MFHAS1: variants seen among roughly 807,000 people sequenced by gnomAD.
The protein encoded by MFHAS1 is multifunctional ROCO family signaling regulator 1.
In MFHAS1, 50 loss-of-function variants were observed where a neutral mutation model predicts 70.4. The observed-to-expected ratio is 0.71, with a 90% CI of 0.57 to 0.90. The LOEUF (loss-of-function observed/expected upper bound fraction) is 0.90, where lower values mean the gene tolerates loss of function less well. Ranked by LOEUF, MFHAS1 falls within the 40% of genes least tolerant of loss-of-function variation. MFHAS1 has a pLI of 0.00. For missense variants in MFHAS1, 1,795 were observed against 1,347.6 expected (o/e 1.33, Z -5.20); for synonymous variants, 952 against 620.0 (o/e 1.54, Z -7.96).
At chr8:8,813,637 A>T in intron 1 of MFHAS1, among the ~76,000 whole-genome samples, 1 of 152,298 alleles carries the variant, frequency 6.6e-6, no homozygotes, top group South Asian at 2.1e-4. Context: ...TAAAGAAACA[A>T]TATTTTTGTA....
chr8:8,891,456 C>A lies in MFHAS1; in HGVS notation c.1603G>T (p.Val535Leu). Reference sequence around the variant, plus strand: ...CCGCACAGGTCTGCGTGGGTGCCCACGATGCACACCACCGCGTGGGGCACT... The same window carrying A: ...CCGCACAGGTCTGCGTGGGTGCCCAAGATGCACACCACCGCGTGGGGCACT... ...ARVPHAVVCI[V>L]GTHADLCGER... The change falls in exon 1 of 3, where the codon GTG becomes TTG. Residue 535 changes from valine to leucine, a missense_variant. Physicochemically the swap from Val to Leu is conservative, Grantham distance 32 (BLOSUM62 1). Transcript: ENST00000276282. This position sits in a 1 kb window ranked among gnomAD's most constrained non-coding sequence, Gnocchi z 5.4. 1 of 1,612,984 alleles carries A rather than the reference C, an allele frequency of 6.2e-7. No individual in the cohort carries two copies. Among genetic ancestry groups the A allele is most frequent in the South Asian group, 1.1e-5 (1 of 91,084 alleles).
chr8:8,884,246 C>T (rs976799319), intron 1 of MFHAS1, among the ~76,000 whole-genome samples: 2 of 152,110 alleles, frequency 1.3e-5, no homozygotes, highest in Non-Finnish European at 2.9e-5. Context: ...CTCTATTCTG[C>T]ACAGTATTTG....
At chr8:8,810,418 T>A (rs1264227625) in intron 1 of MFHAS1, among the ~76,000 whole-genome samples, 1 of 152,150 alleles carries the variant, frequency 6.6e-6, no homozygotes, top group East Asian at 1.9e-4. Flanking sequence ...ACAACAAAGG[T>A]TTGAACCATG....
At chr8:8,867,134 CAA>C (rs1808889203) in intron 1 of MFHAS1, among the ~76,000 whole-genome samples, 1 of 152,032 alleles carries the variant, frequency 6.6e-6, no homozygotes, top group South Asian at 2.1e-4. Flanking sequence ...TTAAAGGAAA[CAA>C]GATAATAAAG....
chr8:8,841,775 G>T (rs887997177), intron 1 of MFHAS1, among the ~76,000 whole-genome samples: 1 of 152,276 alleles, frequency 6.6e-6, no homozygotes, highest in Non-Finnish European at 1.5e-5. Context: ...CCACGGGTAC[G>T]AGAGTTTGGG....
At chr8:8,790,258 ATCTC>A in intron 2 of MFHAS1, 2 of 463,308 alleles carry the variant, frequency 4.3e-6, no homozygotes, top group Non-Finnish European at 5.7e-6. Context: ...ATCCCCCCTA[ATCTC>A]TCTGAGTCCT....
chr8:8,833,429 G>C lies in MFHAS1; in HGVS notation c.2999-35938C>G, dbSNP rs559967315. On this transcript the variant is annotated intron_variant, in intron 1 of 2. Transcript: ENST00000276282. ...GGATCGCTTGAGGCCAGGAGTTCAA[G>C]ACCAGCCTGGGCAACACAGGGAGAC... Among the ~76,000 whole-genome samples the C allele has an allele frequency of 4.5e-4, 69 of 152,184 alleles. 1 individual carries two copies. Among genetic ancestry groups the C allele is most frequent in the Non-Finnish European group, 7.5e-4 (51 of 68,000 alleles).
chr8:8,891,471 C>A lies in MFHAS1; in HGVS notation c.1588G>T (p.Ala530Ser). ...LHRVGARVPH[A>S]VVCIVGTHAD... Reference sequence around the variant, plus strand: ...TGGGTGCCCACGATGCACACCACCGCGTGGGGCACTCTCGCCCCGACCCGA... The same window carrying A: ...TGGGTGCCCACGATGCACACCACCGAGTGGGGCACTCTCGCCCCGACCCGA... Residue 530 changes from alanine (A) to serine (S), a missense_variant, in exon 1 of 3, where the codon GCG (alanine) becomes TCG (serine). By Grantham distance (99) the Ala-to-Ser change is moderately conservative. Transcript: ENST00000276282. This position sits in a 1 kb window ranked among gnomAD's most constrained non-coding sequence, Gnocchi z 5.4. 1 of 1,612,996 alleles carries A rather than the reference C, an allele frequency of 6.2e-7. No homozygotes were observed. The highest frequency in any genetic ancestry group is 8.5e-7 in the Non-Finnish European group (1 of 1,180,034).
chr8:8,863,203 A>G (rs1454465911), intron 1 of MFHAS1, among the ~76,000 whole-genome samples: 1 of 152,220 alleles, frequency 6.6e-6, no homozygotes, highest in Non-Finnish European at 1.5e-5. Flanking sequence ...ACTTACGCCA[A>G]TACTACACTG....
At chr8:8,863,173 C>A (rs1808730160) in intron 1 of MFHAS1, among the ~76,000 whole-genome samples, 1 of 152,174 alleles carries the variant, frequency 6.6e-6, no homozygotes, top group South Asian at 2.1e-4. Flanking sequence ...CTATTCTGTT[C>A]CATCAATCTA....
chr8:8,875,285 T>C (rs1376293565), intron 1 of MFHAS1, among the ~76,000 whole-genome samples: 2 of 152,026 alleles, frequency 1.3e-5, no homozygotes, highest in African/African-American at 2.4e-5. Context: ...CAAAAAAAAC[T>C]GGGAACAAGA....
chr8:8,881,575 G>A (rs35005822), intron 1 of MFHAS1, among the ~76,000 whole-genome samples: 28,254 of 152,032 alleles, frequency 0.19, 2,921 homozygotes, highest in African/African-American at 0.27. Context: ...GGTGGCTCAC[G>A]CCTGTAATCC....
chr8:8,890,438 G>C lies in MFHAS1; in HGVS notation c.2621C>G (p.Ser874Cys). The change falls in exon 1 of 3, where the codon TCT becomes TGT. Residue 874 changes from serine to cysteine, a missense_variant. Transcript: ENST00000276282. ...WINGTNLAGQ[S>C]FVAEQLQIEY... Reference sequence around the variant, plus strand: ...AATCTGCAACTGCTCAGCCACAAAAGACTGCCCAGCTAGGTTGGTCCCATT... The same window carrying C: ...AATCTGCAACTGCTCAGCCACAAAACACTGCCCAGCTAGGTTGGTCCCATT... The C allele has an allele frequency of 6.2e-7, 1 of 1,613,916 alleles. No homozygotes were observed. Among genetic ancestry groups the C allele is most frequent in the Non-Finnish European group, 8.5e-7 (1 of 1,180,036 alleles).
chr8:8,836,259 G>C (rs1161281327), intron 1 of MFHAS1, among the ~76,000 whole-genome samples: 1 of 152,174 alleles, frequency 6.6e-6, no homozygotes, highest in African/African-American at 2.4e-5. Flanking sequence ...CAAAATAATA[G>C]TTTGAGTAGC....
At chr8:8,842,649 G>A (rs1377119159) in intron 1 of MFHAS1, among the ~76,000 whole-genome samples, 1 of 152,178 alleles carries the variant, frequency 6.6e-6, no homozygotes, top group Admixed American at 6.5e-5. Flanking sequence ...CCAGGAGCTG[G>A]TAAGGAAAGG....
rs997921243 is a variant in MFHAS1, at chr8:8,810,105, G to A, written c.2999-12614C>T. On this transcript the variant is annotated intron_variant, in intron 1 of 2. Coordinates refer to ENST00000276282, the MANE Select transcript of MFHAS1 (RefSeq NM_004225.3). ...AGCCAGGCCGGGCGCAGTGGCTCGC[G>A]CCTGTAATCCCATCACTTTGGGAGG... Among the ~76,000 whole-genome samples, 8 of 150,650 alleles carry A rather than the reference G, an allele frequency of 5.3e-5. No individual in the cohort carries two copies. The East Asian group carries it at 1.3e-3, about 25-fold the overall frequency.
At chr8:8,797,329 C>T in intron 2 of MFHAS1, 36 bp downstream of exon 2, 1 of 1,609,284 alleles carries the variant, frequency 6.2e-7, no homozygotes, top group Non-Finnish European at 8.5e-7. Context: ...GGATCAGGAG[C>T]CAGGTCCCGG....
intron 1 of MFHAS1, among the ~76,000 whole-genome samples, chr8:8,859,087 T>C (rs1226878519): frequency 1.3e-5 from 2 of 152,226 alleles, no homozygotes; most frequent in African/African-American, 4.8e-5. Context: ...TAGTGATGGC[T>C]CATGCCTGTA....
intron 2 of MFHAS1, among the ~76,000 whole-genome samples, chr8:8,787,085 A>AAT (rs1554473664): frequency 2.3e-5 from 3 of 128,014 alleles, no homozygotes; most frequent in African/African-American, 9.2e-5. Context: ...TATTATTATT[A>AAT]TTTTTTTTTT....
Sources: gnomAD v4.1 joint callset for allele counts (sites outside exome capture counted in the v4.1 genomes callset) on GRCh38, gnomAD v4.1.1 for gene constraint, Gnocchi (gnomAD v3.1) non-coding constraint, MANE v1.5 for transcripts, NCBI Gene and HGNC (gene_info 2026-07-23, HGNC 2026-07-21) for gene names.